NAALADL2: variants seen among roughly 807,000 people sequenced by gnomAD.
NAALADL2 encodes the protein inactive N-acetylated-alpha-linked acidic dipeptidase-like protein 2.
A neutral mutation model predicts 87.2 loss-of-function variants in NAALADL2; 76 were observed. The observed-to-expected ratio is 0.87, with a 90% CI of 0.72 to 1.05. NAALADL2 has a LOEUF of 1.05. NAALADL2 is among the 50% of genes least tolerant of loss of function. The pLI, the probability that NAALADL2 is intolerant of heterozygous loss-of-function variation, is 0.00. For missense variants in NAALADL2, 1,089 were observed against 945.8 expected (o/e 1.15, Z -1.99); for synonymous variants, 354 against 331.0 (o/e 1.07, Z -0.75).
chr3:174,496,028 G>A (rs1387860102), intron 1 of NAALADL2, among the ~76,000 whole-genome samples: 1 of 152,090 alleles, frequency 6.6e-6, no homozygotes, highest in African/African-American at 2.4e-5. Flanking sequence ...TTGTATGACT[G>A]TGCTCTTGAA....
chr3:174,839,358 G>A (rs565529749), intron 3 of NAALADL2, among the ~76,000 whole-genome samples: 1 of 152,218 alleles, frequency 6.6e-6, no homozygotes, highest in South Asian at 2.1e-4. Context: ...ATGGATCAAG[G>A]ACTTAAACCT....
chr3:174,950,338 C>T (rs1740151184), intron 1 of NAALADL2, among the ~76,000 whole-genome samples: 2 of 152,004 alleles, frequency 1.3e-5, no homozygotes, highest in South Asian at 4.2e-4. Context: ...TCTTGAGAAT[C>T]ACAAATTTTG....
At chr3:175,065,709 T>C in intron 1 of NAALADL2, among the ~76,000 whole-genome samples, 1 of 152,082 alleles carries the variant, frequency 6.6e-6, no homozygotes, top group East Asian at 1.9e-4. Flanking sequence ...TTGTCAAAGG[T>C]CATGGAGAAA....
At chr3:175,768,556 C>T (rs1749054570) in intron 13 of NAALADL2, among the ~76,000 whole-genome samples, 1 of 150,570 alleles carries the variant, frequency 6.6e-6, no homozygotes, top group Non-Finnish European at 1.5e-5. Flanking sequence ...TTCGGCCAGG[C>T]ATTTGTTTTT....
chr3:174,902,105 G>A (rs1732387250), intron 1 of NAALADL2, among the ~76,000 whole-genome samples: 1 of 152,106 alleles, frequency 6.6e-6, no homozygotes, highest in Non-Finnish European at 1.5e-5. Context: ...TACCGCCCAG[G>A]TGTTGCTGAT....
At chr3:175,082,062 GTA>G (rs1491013443) in intron 1 of NAALADL2, among the ~76,000 whole-genome samples, 1 of 151,956 alleles carries the variant, frequency 6.6e-6, no homozygotes, top group Non-Finnish European at 1.5e-5. Context: ...GTGTGTGTGT[GTA>G]TGTGTGTTTA....
intron 2 of NAALADL2, among the ~76,000 whole-genome samples, chr3:174,696,415 T>G (rs1345478187): frequency 6.6e-6 from 1 of 151,826 alleles, no homozygotes; most frequent in Non-Finnish European, 1.5e-5. Context: ...AGTGCTAGAC[T>G]TATGTGGGAA....
At chr3:174,958,897 G>A (rs908058453) in intron 1 of NAALADL2, among the ~76,000 whole-genome samples, 2 of 151,960 alleles carry the variant, frequency 1.3e-5, no homozygotes, top group Non-Finnish European at 2.9e-5. Context: ...GTTTTATGAG[G>A]CATTTATAAG....
chr3:175,325,107 C>A (rs1396031813), intron 5 of NAALADL2, among the ~76,000 whole-genome samples: 2 of 152,046 alleles, frequency 1.3e-5, no homozygotes, highest in African/African-American at 4.8e-5. Flanking sequence ...TTAAACTAAC[C>A]CAAAAAATTA....
At chr3:175,124,009 T>A (rs1180761079) in intron 2 of NAALADL2, among the ~76,000 whole-genome samples, 1 of 151,996 alleles carries the variant, frequency 6.6e-6, no homozygotes, top group Non-Finnish European at 1.5e-5. Context: ...GGTAGCCATC[T>A]AAGATACTTT....
intron 10 of NAALADL2, among the ~76,000 whole-genome samples, chr3:175,588,474 T>TATCTGGG (rs1720867211): frequency 6.6e-6 from 1 of 151,930 alleles, no homozygotes; most frequent in South Asian, 2.1e-4. Flanking sequence ...AGAAACACAG[T>TATCTGGG]ATCTGGGAGA....
chr3:174,731,311 A>T (rs577077015), intron 2 of NAALADL2, among the ~76,000 whole-genome samples: 5 of 152,038 alleles, frequency 3.3e-5, no homozygotes, highest in African/African-American at 1.2e-4. Flanking sequence ...TGATATTTCA[A>T]TCTATTTTTG....
At chr3:175,602,450 G>A (rs963837161) in intron 10 of NAALADL2, among the ~76,000 whole-genome samples, 6 of 100,576 alleles carry the variant, frequency 6.0e-5, no homozygotes, top group Non-Finnish European at 6.7e-5. Context: ...TTATTTGTAT[G>A]TGTGTATCTA....
intron 1 of NAALADL2, among the ~76,000 whole-genome samples, chr3:174,973,841 A>G (rs530438484): frequency 3.3e-4 from 51 of 152,336 alleles, no homozygotes; most frequent in Non-Finnish European, 5.9e-4. Flanking sequence ...TTACAATTTT[A>G]TGGGACCGCC....
At chr3:175,380,895 T>G (rs1767708648) in intron 5 of NAALADL2, among the ~76,000 whole-genome samples, 1 of 152,102 alleles carries the variant, frequency 6.6e-6, no homozygotes, top group Non-Finnish European at 1.5e-5. Context: ...AAATATTGTT[T>G]TTTTTTAAAT....
At chr3:174,480,155 T>A (rs1302734145) in intron 1 of NAALADL2, among the ~76,000 whole-genome samples, 1 of 152,028 alleles carries the variant, frequency 6.6e-6, no homozygotes, top group Non-Finnish European at 1.5e-5. Flanking sequence ...GAAGAGAGGA[T>A]GAGAGAATGA....
intron 10 of NAALADL2, among the ~76,000 whole-genome samples, chr3:175,612,183 A>G (rs1724737670): frequency 1.3e-5 from 2 of 152,206 alleles, no homozygotes; most frequent in South Asian, 2.1e-4. Context: ...GAAGTCATTC[A>G]TATGTTGCCA....
intron 2 of NAALADL2, among the ~76,000 whole-genome samples, chr3:174,634,186 A>T (rs1722412180): frequency 6.6e-6 from 1 of 152,172 alleles, no homozygotes. Flanking sequence ...CTGTTATATA[A>T]GGAACCTAGA....
At chr3:174,793,206 TATGAG>T (rs1412926913) in intron 3 of NAALADL2, among the ~76,000 whole-genome samples, 6 of 152,286 alleles carry the variant, frequency 3.9e-5, no homozygotes, top group Admixed American at 2.6e-4. Flanking sequence ...ATTTGTATGA[TATGAG>T]ATGATTTATC....
Sources: gnomAD v4.1 joint callset for allele counts (sites outside exome capture counted in the v4.1 genomes callset) on GRCh38, gnomAD v4.1.1 for gene constraint, MANE v1.5 for transcripts, NCBI Gene and HGNC (gene_info 2026-07-23, HGNC 2026-07-21) for gene names.